Variants in STAC observed in about 807,000 individuals in gnomAD.
The protein encoded by STAC is SH3 and cysteine-rich domain-containing protein.
A neutral mutation model predicts 48.8 loss-of-function variants in STAC; 43 were observed. The ratio of observed to expected loss-of-function variants is 0.88; its 90% CI spans 0.69 to 1.14. The LOEUF (loss-of-function observed/expected upper bound fraction) is 1.14. STAC is among the 50% of genes most tolerant of loss of function. STAC has a pLI of 0.00. For synonymous variants in STAC, 193 were observed against 179.5 expected, an observed-to-expected ratio of 1.07 and a Z score of -0.60; for missense variants, 497 against 504.0, an observed-to-expected ratio of 0.99 and a Z score of 0.13.
chr3:36,457,242 A>G (rs1331616317), intron 2 of STAC, among the ~76,000 whole-genome samples: 1 of 152,218 alleles, frequency 6.6e-6, no homozygotes, highest in African/African-American at 2.4e-5. Context: ...GGAGAGAGGC[A>G]GGATCATGCC....
chr3:36,420,150 C>A (rs1257339469), intron 1 of STAC, among the ~76,000 whole-genome samples: 1 of 152,158 alleles, frequency 6.6e-6, no homozygotes, highest in Non-Finnish European at 1.5e-5. Context: ...AATAACACAT[C>A]CTTTTCCTCT....
intron 5 of STAC, among the ~76,000 whole-genome samples, chr3:36,488,068 G>A (rs1327365697): frequency 6.6e-6 from 1 of 152,116 alleles, no homozygotes; most frequent in South Asian, 2.1e-4. Flanking sequence ...CTCAATGAAT[G>A]GAAATTGTTA....
At chr3:36,508,230 T>C (rs1575248944) in intron 8 of STAC, among the ~76,000 whole-genome samples, 1 of 152,322 alleles carries the variant, frequency 6.6e-6, no homozygotes, top group African/African-American at 2.4e-5. Flanking sequence ...TTGTGTGGTT[T>C]TGAGTGAGTT....
intron 10 of STAC, among the ~76,000 whole-genome samples, chr3:36,532,989 G>T (rs552416852): frequency 3.2e-4 from 48 of 152,256 alleles, no homozygotes; most frequent in Admixed American, 4.6e-4. Context: ...ACTCATAGAG[G>T]TTATGTGTCT....
At chr3:36,482,817 A>G (rs1427353249) in intron 2 of STAC, among the ~76,000 whole-genome samples, 175 bp from the exon 3 acceptor site, 1 of 152,238 alleles carries the variant, frequency 6.6e-6, no homozygotes, top group African/African-American at 2.4e-5. Context: ...CCTTAGGTAG[A>G]AAATGCAGGA....
chr3:36,396,566 C>T (rs960262083), intron 1 of STAC, among the ~76,000 whole-genome samples: 12 of 152,076 alleles, frequency 7.9e-5, no homozygotes, highest in South Asian at 2.1e-4. Flanking sequence ...AGGAGTCATC[C>T]GGGAGAATCA....
At chr3:36,536,862 A>C (rs1699209918) in intron 10 of STAC, among the ~76,000 whole-genome samples, 1 of 151,844 alleles carries the variant, frequency 6.6e-6, no homozygotes. Flanking sequence ...CAAAAAAAAA[A>C]AAACCCCAAT....
chr3:36,487,694 A>C (rs1038212383), intron 5 of STAC, among the ~76,000 whole-genome samples: 2 of 152,246 alleles, frequency 1.3e-5, no homozygotes, highest in Admixed American at 1.3e-4. Context: ...CCATTTTATT[A>C]AGATTGAGAA....
At chr3:36,434,820 T>C (rs1232063703) in intron 1 of STAC, among the ~76,000 whole-genome samples, 1 of 152,234 alleles carries the variant, frequency 6.6e-6, no homozygotes. Flanking sequence ...AGTGCTCTCA[T>C]GACTCCCAAT....
chr3:36,423,958 T>C (rs968049402), intron 1 of STAC, among the ~76,000 whole-genome samples: 1 of 152,178 alleles, frequency 6.6e-6, no homozygotes, highest in Non-Finnish European at 1.5e-5. Flanking sequence ...TTTTAATTTT[T>C]TTCTCACAAG....
intron 1 of STAC, among the ~76,000 whole-genome samples, chr3:36,384,672 T>A (rs1699579087): frequency 6.6e-6 from 1 of 152,096 alleles, no homozygotes; most frequent in Non-Finnish European, 1.5e-5. Context: ...CTTCAGCTAT[T>A]TTGCATCCCC....
chr3:36,398,815 G>C (rs73054148), intron 1 of STAC, among the ~76,000 whole-genome samples: 3,528 of 152,210 alleles, frequency 0.023, 60 homozygotes, highest in East Asian at 0.026. Context: ...CATACAGGTT[G>C]CTGTTGCTGT....
At chr3:36,417,504 A>C (rs953882189) in intron 1 of STAC, among the ~76,000 whole-genome samples, 2 of 152,224 alleles carry the variant, frequency 1.3e-5, no homozygotes, top group Non-Finnish European at 2.9e-5. Context: ...GTTTACAGCC[A>C]GAGTTCTCAG....
chr3:36,487,491 T>C (rs1697845411), intron 5 of STAC, among the ~76,000 whole-genome samples: 1 of 152,218 alleles, frequency 6.6e-6, no homozygotes, highest in South Asian at 2.1e-4. Context: ...TTCTTTCTTC[T>C]ACTCAGTTAG....
chr3:36,459,123 T>C (rs1409109220), intron 2 of STAC: 1 of 152,220 alleles, frequency 6.6e-6, no homozygotes, highest in Non-Finnish European at 1.5e-5. Flanking sequence ...CAAAATTAGT[T>C]GAGAAAAGAA....
chr3:36,528,722 A>AG lies in STAC; in HGVS notation c.949dup (p.Asp317GlyfsTer4). On this transcript the variant is annotated frameshift_variant, in exon 9 of 11. Coordinates refer to ENST00000273183, the MANE Select transcript of STAC (RefSeq NM_003149.3). LOFTEE classifies it high-confidence loss of function. The stretch of plus-strand genomic sequence containing the variant: ...CCAGGAGACATAATTACTCTTTTAG[A>AG]GGATTCCAATGAAGACTGGTGGAAA... The AG allele has an allele frequency of 6.2e-7, 1 of 1,606,406 alleles. No homozygotes were observed. The highest frequency in any genetic ancestry group is 1.3e-5 in the African/African-American group (1 of 74,670).
intron 2 of STAC, among the ~76,000 whole-genome samples, chr3:36,474,380 G>C (rs138037651): frequency 6.6e-6 from 1 of 152,252 alleles, no homozygotes; most frequent in African/African-American, 2.4e-5. Flanking sequence ...ATTGACCATG[G>C]TTACATATAC....
At chr3:36,503,781 G>A (rs1031913626) in intron 6 of STAC, among the ~76,000 whole-genome samples, 1 of 151,844 alleles carries the variant, frequency 6.6e-6, no homozygotes, top group African/African-American at 2.4e-5. Context: ...GCTACAGAGT[G>A]GATACTTAAA....
intron 2 of STAC, among the ~76,000 whole-genome samples, chr3:36,460,202 C>G (rs1377250790): frequency 6.6e-6 from 1 of 151,986 alleles, no homozygotes; most frequent in African/African-American, 2.4e-5. Flanking sequence ...GCACTTCCCT[C>G]AGCTTGGAAG....
Sources: allele counts gnomAD v4.1 joint callset (sites outside exome capture counted in the v4.1 genomes callset), GRCh38; gene constraint gnomAD v4.1.1; transcripts MANE v1.5; gene names NCBI Gene and HGNC (gene_info 2026-07-23, HGNC 2026-07-21).